The following WDR7 variants were observed in gnomAD, a reference collection of about 807,000 sequenced individuals.
WDR7 encodes the protein WD repeat-containing protein 7.
Under a neutral mutation model 169.4 loss-of-function variants are expected in WDR7, and 46 were observed. That is an observed-to-expected ratio of 0.27 (90% CI 0.21 to 0.35). The LOEUF is 0.35. WDR7 is among the 10% of genes least tolerant of loss of function. The probability of loss-of-function intolerance (pLI) is 1.00; values close to 1 mark genes in which losing one functional copy is unlikely to be tolerated. For missense variants in WDR7, 1,534 were observed against 1,859.3 expected, an observed-to-expected ratio of 0.83 and a Z score of 3.22; for synonymous variants, 612 against 666.8, an observed-to-expected ratio of 0.92 and a Z score of 1.27.
At chr18:56,862,730 T>C (rs536302000) in intron 20 of WDR7, among the ~76,000 whole-genome samples, 1 of 152,016 alleles carries the variant, frequency 6.6e-6, no homozygotes, top group East Asian at 1.9e-4. Flanking sequence ...GCAGAAGATG[T>C]ACCTTTATTT....
At chr18:56,728,311 A>C (rs2026504870) in intron 13 of WDR7, among the ~76,000 whole-genome samples, 1 of 152,214 alleles carries the variant, frequency 6.6e-6, no homozygotes, top group South Asian at 2.1e-4. Flanking sequence ...TCAAACATTT[A>C]AGTTACTCAT....
At chr18:56,661,496 T>C (rs1394588000) in intron 1 of WDR7, among the ~76,000 whole-genome samples, 1 of 152,212 alleles carries the variant, frequency 6.6e-6, no homozygotes, top group African/African-American at 2.4e-5. Flanking sequence ...CTGTCTCTCA[T>C]GCACTCAGGG....
At position 56,757,316 on chromosome 18, in the gene WDR7, C is replaced by G; in HGVS notation, c.2723C>G (p.Thr908Ser). Reference protein sequence around the residue: ...ANTLMSMTNATFIGDHMKKGP... With the variant: ...ANTLMSMTNASFIGDHMKKGP... The stretch of plus-strand genomic sequence containing the variant: ...ACTTTAATGAGTATGACCAATGCAA[C>G]TTTTATTGGTGATCATATGAAGAAG... The change falls in exon 15 of 28, where the codon ACT becomes AGT. Residue 908 changes from threonine to serine, a missense_variant. Coordinates refer to ENST00000254442, the MANE Select transcript of WDR7 (RefSeq NM_015285.3). 6.2e-7 allele frequency: 1 copy of G among 1,611,646 alleles called. No individual in the cohort carries two copies. The highest frequency in any genetic ancestry group is 8.5e-7 in the Non-Finnish European group (1 of 1,178,094).
intron 25 of WDR7, among the ~76,000 whole-genome samples, chr18:56,958,139 C>G (rs2047282537): frequency 6.6e-6 from 1 of 152,110 alleles, no homozygotes; most frequent in Non-Finnish European, 1.5e-5. Context: ...AACTCCCAAG[C>G]AACATGGTGT....
intron 2 of WDR7, among the ~76,000 whole-genome samples, chr18:56,674,905 C>T (rs2025211669): frequency 6.6e-6 from 1 of 152,238 alleles, no homozygotes; most frequent in East Asian, 1.9e-4. Flanking sequence ...TCAAATTATC[C>T]TAGCACTATT....
intron 12 of WDR7, among the ~76,000 whole-genome samples, chr18:56,712,652 T>A (rs1441648281): frequency 6.6e-6 from 1 of 152,208 alleles, no homozygotes; most frequent in East Asian, 1.9e-4. Flanking sequence ...GAACATGAAT[T>A]TGAATAGCTT....
chr18:56,741,019 A>T (rs1331361795), intron 14 of WDR7, among the ~76,000 whole-genome samples: 1 of 152,158 alleles, frequency 6.6e-6, no homozygotes, highest in African/African-American at 2.4e-5. Context: ...TAAAGCCAAC[A>T]TGTCTAAGAT....
intron 9 of WDR7, among the ~76,000 whole-genome samples, chr18:56,692,971 T>C (rs1179288809): frequency 6.6e-6 from 1 of 151,980 alleles, no homozygotes; most frequent in Non-Finnish European, 1.5e-5. Context: ...GAGGCTGAAG[T>C]GGGAAGATCC....
At chr18:56,939,513 T>C (rs1599175326) in intron 25 of WDR7, 120 bp downstream of exon 25, 2 of 583,280 alleles carry the variant, frequency 3.4e-6, no homozygotes, top group East Asian at 6.7e-5. Context: ...TATTAATGTC[T>C]GCTTACTTTC....
At chr18:56,899,930 C>G (rs1229875823) in intron 21 of WDR7, among the ~76,000 whole-genome samples, 1 of 151,660 alleles carries the variant, frequency 6.6e-6, no homozygotes, top group Non-Finnish European at 1.5e-5. Flanking sequence ...TAAAGTTTTG[C>G]ATTATTTATG....
intron 12 of WDR7, among the ~76,000 whole-genome samples, chr18:56,696,970 G>T (rs982329031): frequency 2.6e-5 from 4 of 152,164 alleles, no homozygotes; most frequent in Non-Finnish European, 5.9e-5. Context: ...ACATACCTTT[G>T]TGGAACCAGA....
intron 20 of WDR7, among the ~76,000 whole-genome samples, chr18:56,857,589 A>G (rs186354928): frequency 6.6e-5 from 10 of 152,262 alleles, no homozygotes; most frequent in South Asian, 2.1e-4. Flanking sequence ...ACGCCTATGC[A>G]TACATATATA....
intron 26 of WDR7, among the ~76,000 whole-genome samples, chr18:56,963,236 GT>G (rs1295234363): frequency 1.3e-5 from 2 of 152,068 alleles, no homozygotes; most frequent in East Asian, 3.9e-4. Flanking sequence ...CAAAATCGGG[GT>G]TAGGCTCCAC....
At chr18:56,910,445 A>G (rs1271709848) in intron 21 of WDR7, among the ~76,000 whole-genome samples, 1 of 152,180 alleles carries the variant, frequency 6.6e-6, no homozygotes, top group Non-Finnish European at 1.5e-5. Context: ...TATTTCAGAA[A>G]TGGCCCACTA....
chr18:56,821,702 T>G (rs927315199), intron 20 of WDR7, among the ~76,000 whole-genome samples: 1 of 151,480 alleles, frequency 6.6e-6, no homozygotes, highest in Admixed American at 6.6e-5. Flanking sequence ...CTCAAACTCT[T>G]GGGTTTGGCT....
intron 19 of WDR7, among the ~76,000 whole-genome samples, chr18:56,790,041 A>G (rs1185610028): frequency 2.6e-5 from 4 of 152,230 alleles, no homozygotes; most frequent in African/African-American, 9.6e-5. Flanking sequence ...GATTTGTGCC[A>G]TTATTCTGTA....
At chr18:56,948,341 T>G (rs915334659) in intron 25 of WDR7, among the ~76,000 whole-genome samples, 2 of 152,136 alleles carry the variant, frequency 1.3e-5, no homozygotes, top group Non-Finnish European at 2.9e-5. Context: ...GTTAAGGCAG[T>G]TTATTTGATG....
chr18:57,030,648 G>A (rs2048436058), downstream of WDR7: 1 of 152,118 alleles, frequency 6.6e-6, no homozygotes, highest in Non-Finnish European at 1.5e-5. Flanking sequence ...TCAATACTTT[G>A]GAGCCAGGAG....
intron 21 of WDR7, among the ~76,000 whole-genome samples, chr18:56,902,262 T>G (rs888983590): frequency 1.3e-5 from 2 of 152,150 alleles, no homozygotes; most frequent in African/African-American, 4.8e-5. Context: ...TTATATGCAG[T>G]GTGTCATTCA....
Sources: allele counts gnomAD v4.1 joint callset (sites outside exome capture counted in the v4.1 genomes callset), GRCh38; gene constraint gnomAD v4.1.1; transcripts MANE v1.5; gene names NCBI Gene and HGNC (gene_info 2026-07-23, HGNC 2026-07-21).